The following BRINP2 variants were observed in gnomAD, a reference collection of about 807,000 sequenced individuals.
BRINP2 encodes the protein BMP/retinoic acid-inducible neural-specific protein 2.
BRINP2 carries 21 observed loss-of-function variants against 69.2 expected under a neutral mutation model. The observed-to-expected ratio is 0.30, with a 90% CI of 0.22 to 0.44. The LOEUF (loss-of-function observed/expected upper bound fraction) is 0.44. Ranked by LOEUF, BRINP2 falls within the 20% of genes least tolerant of loss-of-function variation. The pLI, the probability that BRINP2 is intolerant of heterozygous loss-of-function variation, is 1.00. For missense variants in BRINP2, 877 were observed against 986.0 expected (o/e 0.89, Z 1.48); for synonymous variants, 380 against 394.1 (o/e 0.96, Z 0.42).
chr1:177,207,143 A>T (rs991877614), intron 1 of BRINP2, among the ~76,000 whole-genome samples: 2 of 152,238 alleles, frequency 1.3e-5, no homozygotes, highest in South Asian at 2.1e-4. Context: ...GATCTGAATT[A>T]AAAACTCCAG....
intron 1 of BRINP2, among the ~76,000 whole-genome samples, chr1:177,209,201 A>C (rs1346239925): frequency 2.6e-5 from 4 of 151,898 alleles, no homozygotes; most frequent in African/African-American, 4.8e-5. Flanking sequence ...AAGGGGTTCT[A>C]AGTTAGGATA....
At chr1:177,266,078 C>T (rs576612400) in intron 4 of BRINP2, among the ~76,000 whole-genome samples, 18 of 151,854 alleles carry the variant, frequency 1.2e-4, no homozygotes, top group Middle Eastern at 3.4e-3. Context: ...GGAGATTATG[C>T]CACTGCATTC....
chr1:177,185,477 G>C (rs1207827352), intron 1 of BRINP2, among the ~76,000 whole-genome samples: 1 of 152,170 alleles, frequency 6.6e-6, no homozygotes, highest in Non-Finnish European at 1.5e-5. Flanking sequence ...ATTTCCAAAG[G>C]AGAGAATGAA....
chr1:177,209,671 T>C (rs1329031508), intron 1 of BRINP2, among the ~76,000 whole-genome samples: 1 of 152,146 alleles, frequency 6.6e-6, no homozygotes, highest in Non-Finnish European at 1.5e-5. Flanking sequence ...ATGAAAGGAT[T>C]GTCTGACCAG....
At chr1:177,192,164 T>C (rs1648614267) in intron 1 of BRINP2, among the ~76,000 whole-genome samples, 1 of 152,228 alleles carries the variant, frequency 6.6e-6, no homozygotes, top group African/African-American at 2.4e-5. Flanking sequence ...AATAGGGGTC[T>C]CCTGTAAACC....
chr1:177,199,791 T>G (rs1648848923), intron 1 of BRINP2, among the ~76,000 whole-genome samples: 1 of 152,174 alleles, frequency 6.6e-6, no homozygotes, highest in African/African-American at 2.4e-5. Context: ...TTATAGAATA[T>G]AGCCAAACTC....
intron 1 of BRINP2, among the ~76,000 whole-genome samples, chr1:177,211,899 T>A (rs937454686): frequency 3.9e-5 from 6 of 152,238 alleles, no homozygotes; most frequent in Non-Finnish European, 1.5e-5. Context: ...CAATGGATTA[T>A]CACTGTGATG....
intron 1 of BRINP2, among the ~76,000 whole-genome samples, chr1:177,203,484 T>TA (rs1485686673): frequency 1.3e-5 from 2 of 149,370 alleles, no homozygotes; most frequent in African/African-American, 2.5e-5. Flanking sequence ...ATAATAACGA[T>TA]AAAAAAATAA....
intron 2 of BRINP2, among the ~76,000 whole-genome samples, chr1:177,251,994 TTTTG>T (rs1558177623): frequency 6.6e-6 from 1 of 152,288 alleles, no homozygotes; most frequent in South Asian, 2.1e-4. Flanking sequence ...CCCTAAGGTT[TTTTG>T]TTTGTTTATT....
chr1:177,232,623 A>G (rs1265158777), intron 2 of BRINP2, among the ~76,000 whole-genome samples: 2 of 152,150 alleles, frequency 1.3e-5, no homozygotes, highest in African/African-American at 4.8e-5. Context: ...CCCAGTGGGA[A>G]TTCATTTTTG....
At chr1:177,188,412 G>A (rs1157485668) in intron 1 of BRINP2, among the ~76,000 whole-genome samples, 1 of 152,110 alleles carries the variant, frequency 6.6e-6, no homozygotes, top group Non-Finnish European at 1.5e-5. Context: ...TAATTAATGA[G>A]TTGTATTTGT....
chr1:177,180,834 T>C (rs1465014177), intron 1 of BRINP2, among the ~76,000 whole-genome samples: 4 of 152,192 alleles, frequency 2.6e-5, no homozygotes, highest in African/African-American at 9.7e-5. Flanking sequence ...TATATTAAAA[T>C]TGATTTTAAA....
At position 177,278,626 on chromosome 1, in the gene BRINP2, C is replaced by T. The variant is rs777253911; in HGVS notation, c.1076C>T (p.Ser359Phe). 6.2e-7 allele frequency: 1 copy of T among 1,614,214 alleles called. No homozygotes were observed. The highest frequency in any genetic ancestry group is 8.5e-7 in the Non-Finnish European group (1 of 1,180,054). ...CGGTTCCTGAACTCCACAGCTATCT[C>T]CCAGTTCTGGGCCATGGACACCAGC... ...DDRFLNSTAI[S>F]QFWAMDTSLQ... Residue 359 changes from serine to phenylalanine, a missense_variant, in exon 7 of 8, where the codon TCC (serine) becomes TTC (phenylalanine). Around this residue, in one of 3 missense-constraint regions of BRINP2, gnomAD observed 566 missense variants for 625.2 expected, o/e 0.91. Coordinates refer to ENST00000361539, the MANE Select transcript of BRINP2 (RefSeq NM_021165.4).
chr1:177,197,446 G>A (rs1407684891), intron 1 of BRINP2, among the ~76,000 whole-genome samples: 1 of 152,094 alleles, frequency 6.6e-6, no homozygotes, highest in African/African-American at 2.4e-5. Flanking sequence ...AGATATGGGT[G>A]GGGCACAGAC....
chr1:177,278,771 C>T lies in BRINP2; in HGVS notation c.1221C>T (p.Arg407=), dbSNP rs201832780. ...CKRCHRQPRF[R]LPKERSLSYW... Reference sequence around the variant, plus strand: ...GCTGCCATCGCCAGCCTCGCTTCCGCCTGCCCAAGGAGAGGTGAGCACCCC... The same window carrying T: ...GCTGCCATCGCCAGCCTCGCTTCCGTCTGCCCAAGGAGAGGTGAGCACCCC... The change falls in exon 7 of 8, where the codon CGC becomes CGT. Residue 407 remains arginine, a synonymous_variant. Coordinates refer to ENST00000361539, the MANE Select transcript of BRINP2 (RefSeq NM_021165.4). The T allele has an allele frequency of 1.7e-5, 27 of 1,614,024 alleles. No individual in the cohort carries two copies. The East Asian group carries it at 5.3e-4, about 32-fold the overall frequency.
At chr1:177,174,117 GC>G (rs1648019614) in intron 1 of BRINP2, among the ~76,000 whole-genome samples, 1 of 152,078 alleles carries the variant, frequency 6.6e-6, no homozygotes, top group Non-Finnish European at 1.5e-5. Flanking sequence ...AATGATTTTA[GC>G]CCCCTTCTTG....
chr1:177,195,641 A>G (rs1161978902), intron 1 of BRINP2, among the ~76,000 whole-genome samples: 1 of 151,820 alleles, frequency 6.6e-6, no homozygotes, highest in Non-Finnish European at 1.5e-5. Context: ...AAGTCAAACC[A>G]ACACCAACGC....
intron 1 of BRINP2, among the ~76,000 whole-genome samples, chr1:177,220,795 A>C (rs1468946430): frequency 6.6e-6 from 1 of 152,158 alleles, no homozygotes; most frequent in Non-Finnish European, 1.5e-5. Flanking sequence ...ACTCAAGGGC[A>C]TGCAAGAAAC....
intron 2 of BRINP2, 114 bp downstream of exon 2, chr1:177,230,259 T>TA: frequency 8.5e-7 from 1 of 1,180,764 alleles, no homozygotes; most frequent in South Asian, 1.8e-5. Context: ...CAAACTGAGC[T>TA]AGAGGTGAAA....
Sources: gnomAD v4.1 joint callset for allele counts (sites outside exome capture counted in the v4.1 genomes callset) on GRCh38, gnomAD v4.1.1 for gene constraint, gnomAD v4.1.1 regional missense constraint, MANE v1.5 for transcripts, NCBI Gene and HGNC (gene_info 2026-07-23, HGNC 2026-07-21) for gene names.